RFX3: variants seen among roughly 807,000 people sequenced by gnomAD.
RFX3 encodes the protein transcription factor RFX3.
Under a neutral mutation model 98.6 loss-of-function variants are expected in RFX3, and 14 were observed. That is an observed-to-expected ratio of 0.14 (90% CI 0.09 to 0.22). The LOEUF is 0.22. Among genes scored for constraint, RFX3 ranks in the 10% least tolerant of loss-of-function variants. The probability of loss-of-function intolerance (pLI) is 1.00; values close to 1 mark genes in which losing one functional copy is unlikely to be tolerated. For synonymous variants in RFX3, 383 were observed against 328.4 expected, an observed-to-expected ratio of 1.17 and a Z score of -1.80; for missense variants, 639 against 926.9, an observed-to-expected ratio of 0.69 and a Z score of 4.03.
intron 1 of RFX3, among the ~76,000 whole-genome samples, chr9:3,432,346 C>T (rs1034591688): frequency 6.6e-6 from 1 of 152,082 alleles, no homozygotes; most frequent in Non-Finnish European, 1.5e-5. Context: ...GCACATAGTA[C>T]TCAATGGAAA....
intron 11 of RFX3, among the ~76,000 whole-genome samples, chr9:3,267,031 C>T (rs571964): frequency 0.96 from 145,740 of 152,002 alleles, 70,173 homozygotes; most frequent in Middle Eastern, 1. Flanking sequence ...GAAGATTTTA[C>T]GGTGGTCATA....
intron 2 of RFX3, among the ~76,000 whole-genome samples, chr9:3,356,063 A>C: frequency 8.2e-6 from 1 of 122,526 alleles, no homozygotes; most frequent in African/African-American, 4.7e-5. Context: ...TATAACTTTA[A>C]ATATATATAT....
intron 1 of RFX3, among the ~76,000 whole-genome samples, chr9:3,513,465 G>A (rs1817839011): frequency 6.6e-6 from 1 of 152,106 alleles, no homozygotes; most frequent in Admixed American, 6.6e-5. Context: ...GGCATGGGGT[G>A]CCATCTATTG....
At chr9:3,290,959 T>A (rs1026361140) in intron 6 of RFX3, among the ~76,000 whole-genome samples, 2 of 152,216 alleles carry the variant, frequency 1.3e-5, no homozygotes, top group Non-Finnish European at 2.9e-5. Context: ...CTAGCTTACT[T>A]TCTCCTGAAA....
At chr9:3,300,957 T>C (rs754393638) in intron 5 of RFX3, among the ~76,000 whole-genome samples, 1 of 151,894 alleles carries the variant, frequency 6.6e-6, no homozygotes, top group Non-Finnish European at 1.5e-5. Context: ...TTTATCTCAA[T>C]TATTAGCAAT....
In RFX3 at chr9:3,395,540, G is replaced by T; in HGVS notation, c.49C>A (p.Gln17Lys). The T allele has an allele frequency of 6.2e-7, 1 of 1,614,084 alleles. No individual in the cohort carries two copies. The highest frequency in any genetic ancestry group is 8.5e-7 in the Non-Finnish European group (1 of 1,179,960). Reference sequence around the variant, plus strand: ...GCTGCTTGACTAGCCACAGATGTTTGTAAGGTCACTGTCGAGCCTGTGTCC... The same window carrying T: ...GCTGCTTGACTAGCCACAGATGTTTTTAAGGTCACTGTCGAGCCTGTGTCC... ...GSDTGSTVTL[Q>K]TSVASQAAVP... The change falls in exon 2 of 17, where the codon CAA becomes AAA. Residue 17 changes from glutamine (Q) to lysine (K), a missense_variant. By Grantham distance (53) the Gln-to-Lys change is moderately conservative. Around this residue, in one of 9 missense-constraint regions of RFX3, gnomAD observed 210 missense variants for 197.7 expected, o/e 1.06. Coordinates refer to ENST00000617270, the MANE Select transcript of RFX3 (RefSeq NM_001282116.2).
intron 1 of RFX3, among the ~76,000 whole-genome samples, chr9:3,423,849 T>A (rs1843693190): frequency 6.9e-6 from 1 of 144,114 alleles, no homozygotes; most frequent in Non-Finnish European, 1.5e-5. Flanking sequence ...AATCTTAGAA[T>A]ATATTTAAAA....
Position 3,399,230 on chromosome 9 carries a change from T to C in RFX3, c.-8-3634A>G, listed in dbSNP as rs146782090. On this transcript the variant is annotated intron_variant, in intron 1 of 16. Coordinates refer to ENST00000617270, the MANE Select transcript of RFX3 (RefSeq NM_001282116.2). ...TGGGTGAATCACCTGAGGTCAGGAG[T>C]TCAAGACCACCCTGGACAATACGGT... 9.4e-3 allele frequency among the ~76,000 whole-genome samples: 1,388 copies of C among 147,358 alleles called. 14 individuals are homozygous for C. The highest frequency in any genetic ancestry group is 0.031 in the East Asian group (153 of 5,004).
chr9:3,389,776 A>C (rs1445197092), intron 2 of RFX3, among the ~76,000 whole-genome samples: 1 of 152,080 alleles, frequency 6.6e-6, no homozygotes, highest in Non-Finnish European at 1.5e-5. Flanking sequence ...GCTGGGTCCC[A>C]CCCCCAAGAT....
intron 1 of RFX3, among the ~76,000 whole-genome samples, chr9:3,429,879 A>G (rs1247917217): frequency 6.6e-6 from 1 of 152,180 alleles, no homozygotes; most frequent in Admixed American, 6.5e-5. Context: ...GCAGCCCACA[A>G]AGTAACAGGT....
At chr9:3,332,327 A>G (rs1380239121) in intron 3 of RFX3, among the ~76,000 whole-genome samples, 1 of 152,152 alleles carries the variant, frequency 6.6e-6, no homozygotes, top group Non-Finnish European at 1.5e-5. Flanking sequence ...TACACCTTAT[A>G]CACATAGCGT....
chr9:3,381,858 T>C (rs1465835383), intron 2 of RFX3, among the ~76,000 whole-genome samples: 2 of 152,206 alleles, frequency 1.3e-5, no homozygotes, highest in African/African-American at 2.4e-5. Context: ...AGAAACAGCT[T>C]GGCCAATCTG....
At chr9:3,284,120 A>C (rs1345182777) in intron 7 of RFX3, among the ~76,000 whole-genome samples, 1 of 151,862 alleles carries the variant, frequency 6.6e-6, no homozygotes, top group Non-Finnish European at 1.5e-5. Flanking sequence ...TTGTTGAAGA[A>C]ATGATAAATG....
intron 15 of RFX3, among the ~76,000 whole-genome samples, chr9:3,245,206 A>G (rs771759011): frequency 2.2e-4 from 33 of 152,230 alleles, no homozygotes; most frequent in Non-Finnish European, 4.6e-4. Context: ...ATTCTGGAGT[A>G]ACTGAGTCTC....
chr9:3,254,893 G>A (rs936786002), intron 14 of RFX3, among the ~76,000 whole-genome samples: 1 of 152,114 alleles, frequency 6.6e-6, no homozygotes, highest in Non-Finnish European at 1.5e-5. Flanking sequence ...CTTCACTGAT[G>A]CATACTAGTG....
At chr9:3,439,914 C>G (rs933280202) in intron 1 of RFX3, among the ~76,000 whole-genome samples, 7 of 152,004 alleles carry the variant, frequency 4.6e-5, no homozygotes, top group Non-Finnish European at 8.8e-5. Flanking sequence ...TACATCAGAA[C>G]TACGTAGAGT....
chr9:3,266,651 GT>G (rs1389316795), intron 11 of RFX3, among the ~76,000 whole-genome samples: 2 of 151,766 alleles, frequency 1.3e-5, no homozygotes, highest in African/African-American at 4.8e-5. Context: ...TAACAGTTTT[GT>G]GCTAAAGGCT....
intron 1 of RFX3, among the ~76,000 whole-genome samples, chr9:3,459,724 C>A (rs1024333559): frequency 6.6e-6 from 1 of 152,034 alleles, no homozygotes; most frequent in African/African-American, 2.4e-5. Flanking sequence ...TTTTCCTTCT[C>A]AATCTTCTCG....
intron 2 of RFX3, among the ~76,000 whole-genome samples, chr9:3,377,795 C>G (rs184541135): frequency 6.6e-6 from 1 of 152,218 alleles, no homozygotes; most frequent in East Asian, 1.9e-4. Flanking sequence ...GATGTTTATA[C>G]AGGTATATAT....
Sources: gnomAD v4.1 joint callset for allele counts (sites outside exome capture counted in the v4.1 genomes callset) on GRCh38, gnomAD v4.1.1 for gene constraint, gnomAD v4.1.1 regional missense constraint, MANE v1.5 for transcripts, NCBI Gene and HGNC (gene_info 2026-07-23, HGNC 2026-07-21) for gene names.